TRIM4: variants seen among roughly 807,000 people sequenced by gnomAD.
TRIM4 encodes the protein tripartite motif containing 4.
A neutral mutation model predicts 33.7 loss-of-function variants in TRIM4; 29 were observed. That is an observed-to-expected ratio of 0.86 (90% CI 0.64 to 1.17). The LOEUF (loss-of-function observed/expected upper bound fraction) is 1.17, where lower values mean the gene tolerates loss of function less well. Among genes scored for constraint, TRIM4 ranks in the 50% most tolerant of loss-of-function variants. The pLI is 0.00. For synonymous variants in TRIM4, 224 were observed against 233.0 expected, an observed-to-expected ratio of 0.96 and a Z score of 0.35; for missense variants, 554 against 593.7, an observed-to-expected ratio of 0.93 and a Z score of 0.69.
At chr7:99,917,700 C>G in intron 1 of TRIM4, 2 of 653,130 alleles carry the variant, frequency 3.1e-6, no homozygotes, top group Non-Finnish European at 3.8e-6. Context: ...GCCTGGGCAA[C>G]AAGAGCGAAA....
At chr7:99,902,612 C>T (rs1273877311) in intron 5 of TRIM4, among the ~76,000 whole-genome samples, 3 of 152,154 alleles carry the variant, frequency 2.0e-5, no homozygotes, top group Non-Finnish European at 4.4e-5. Flanking sequence ...AGAGCATGTA[C>T]CTGCCTTGGT....
rs1818964940 is a variant in TRIM4, at chr7:99,894,379, CTG to C, written c.842-1635_842-1634del. 2.6e-5 allele frequency among the ~76,000 whole-genome samples: 4 copies of C among 152,242 alleles called. No individual in the cohort carries two copies. The South Asian group carries it at 8.3e-4, about 32-fold the overall frequency. On this transcript the variant is annotated intron_variant, in intron 5 of 5. Transcript: ENST00000349062. ...TGAAATGTTTCACCAAGAAAATCAT[CTG>C]GGGACCAGGCGCGGTGGCTCATGCC...
intron 1 of TRIM4, among the ~76,000 whole-genome samples, chr7:99,914,818 T>C (rs932286756): frequency 5.3e-5 from 8 of 152,044 alleles, no homozygotes; most frequent in Non-Finnish European, 1.2e-4. Flanking sequence ...TTTTTTCTTT[T>C]TTTTTTCTTG....
intron 3 of TRIM4, among the ~76,000 whole-genome samples, chr7:99,903,822 C>G (rs1300680881): frequency 6.6e-6 from 1 of 152,212 alleles, no homozygotes; most frequent in African/African-American, 2.4e-5. Flanking sequence ...TCCTTTGGCA[C>G]TATGACATAA....
intron 1 of TRIM4, among the ~76,000 whole-genome samples, chr7:99,909,913 G>A (rs773114128): frequency 3.3e-5 from 5 of 151,138 alleles, no homozygotes; most frequent in South Asian, 2.1e-4. Context: ...TTTATGTTTC[G>A]TAGAGACAAA....
At chr7:99,908,869 T>C in intron 2 of TRIM4, 57 bp from the exon 3 acceptor site, 15 of 1,496,222 alleles carry the variant, frequency 1.0e-5, no homozygotes, top group Non-Finnish European at 1.4e-5. Context: ...GCTACTAAAT[T>C]CCTTACACAA....
Position 99,892,060 on chromosome 7 carries a change from TG to T in TRIM4, c.*102del. On this transcript the variant is annotated 3_prime_UTR_variant, in exon 6 of 6. Coordinates refer to ENST00000349062, the MANE Select transcript of TRIM4 (RefSeq NM_033091.3). Reference sequence around the variant, plus strand: ...GGTACCGTTAGGGAGACCCAGAAGATGGACCATCCAGGATAGAGACATGAAG... The same window carrying T: ...GGTACCGTTAGGGAGACCCAGAAGATGACCATCCAGGATAGAGACATGAAG... 9.5e-7 allele frequency: 1 copy of T among 1,053,660 alleles called. No homozygotes were observed. The highest frequency in any genetic ancestry group is 1.3e-6 in the Non-Finnish European group (1 of 742,866). 65.3% of individuals were successfully genotyped at this position (1,053,660 alleles called of 1,614,324 possible). A position where few individuals can be genotyped will look rare whatever the true frequency, so the allele number is the denominator to read the frequency against.
intron 5 of TRIM4, 149 bp from the exon 6 acceptor site, chr7:99,892,895 T>C: frequency 1.4e-6 from 1 of 711,534 alleles, no homozygotes; most frequent in South Asian, 1.9e-5. Flanking sequence ...CAGCCAGGCC[T>C]AGCAGGCCAC....
At chr7:99,911,716 C>T (rs1358712607) in intron 1 of TRIM4, among the ~76,000 whole-genome samples, 1 of 152,172 alleles carries the variant, frequency 6.6e-6, no homozygotes, top group Non-Finnish European at 1.5e-5. Context: ...GAAATGCTAC[C>T]ACCATTTTGG....
At chr7:99,908,532 G>C in intron 3 of TRIM4, 50 bp downstream of exon 3, 1 of 1,429,422 alleles carries the variant, frequency 7.0e-7, no homozygotes, top group Non-Finnish European at 9.6e-7. Flanking sequence ...AAAGACAAGA[G>C]AGAGTTCAGT....
At chr7:99,907,930 A>G (rs1819345781) in intron 3 of TRIM4, among the ~76,000 whole-genome samples, 1 of 152,242 alleles carries the variant, frequency 6.6e-6, no homozygotes, top group South Asian at 2.1e-4. Context: ...AAGAAAAAGC[A>G]AAGTCACAAA....
chr7:99,899,878 C>A (rs149067205), intron 5 of TRIM4, among the ~76,000 whole-genome samples: 3,336 of 152,224 alleles, frequency 0.022, 109 homozygotes, highest in African/African-American at 0.074. Context: ...GCGGCCTCAA[C>A]CTCCTGGGCT....
At chr7:99,912,504 T>G (rs1357776631) in intron 1 of TRIM4, among the ~76,000 whole-genome samples, 3 of 149,008 alleles carry the variant, frequency 2.0e-5, no homozygotes, top group Non-Finnish European at 3.0e-5. Flanking sequence ...CACTCCAGCC[T>G]GGGTAACAGA....
At chr7:99,913,686 T>C (rs1819494211) in intron 1 of TRIM4, among the ~76,000 whole-genome samples, 1 of 151,562 alleles carries the variant, frequency 6.6e-6, no homozygotes, top group South Asian at 2.1e-4. Context: ...AATAAATAAA[T>C]AAATAAATAA....
intron 1 of TRIM4, among the ~76,000 whole-genome samples, chr7:99,913,111 T>A (rs979589167): frequency 1.3e-5 from 2 of 152,200 alleles, no homozygotes; most frequent in African/African-American, 4.8e-5. Flanking sequence ...TATAATAATC[T>A]ACTAAATAGA....
chr7:99,903,540 C>A (rs981308722), intron 4 of TRIM4, 36 bp downstream of exon 4: 33 of 1,613,802 alleles, frequency 2.0e-5, no homozygotes, highest in East Asian at 4.5e-5. Context: ...CTTTACCATG[C>A]CACCCAGGTC....
intron 5 of TRIM4, among the ~76,000 whole-genome samples, chr7:99,896,727 C>G (rs1819024376): frequency 6.6e-6 from 1 of 152,212 alleles, no homozygotes; most frequent in Non-Finnish European, 1.5e-5. Flanking sequence ...GCTGGTTGTC[C>G]ACATGTATGT....
chr7:99,917,894 T>C (rs1397649445), intron 1 of TRIM4: 5 of 966,712 alleles, frequency 5.2e-6, no homozygotes, highest in Non-Finnish European at 6.1e-6. Context: ...ATCTAAAGGA[T>C]AGATGTGGGT....
At chr7:99,912,678 T>C (rs1819473449) in intron 1 of TRIM4, among the ~76,000 whole-genome samples, 1 of 152,230 alleles carries the variant, frequency 6.6e-6, no homozygotes, top group Non-Finnish European at 1.5e-5. Flanking sequence ...TGGACAGCTA[T>C]GTGATAAAAG....
Sources: allele counts gnomAD v4.1 joint callset (sites outside exome capture counted in the v4.1 genomes callset), GRCh38; gene constraint gnomAD v4.1.1; transcripts MANE v1.5; gene names NCBI Gene and HGNC (gene_info 2026-07-23, HGNC 2026-07-21).